NR3C2: variants seen among roughly 807,000 people sequenced by gnomAD.
The protein encoded by NR3C2 is mineralocorticoid receptor.
NR3C2 carries 15 observed loss-of-function variants against 86.4 expected under a neutral mutation model. That is an observed-to-expected ratio of 0.17 (90% confidence interval 0.12 to 0.27). NR3C2 has a LOEUF of 0.27. Ranked by LOEUF, NR3C2 falls within the 10% of genes least tolerant of loss-of-function variation. The pLI is 1.00. For synonymous variants in NR3C2, 458 were observed against 450.5 expected, an observed-to-expected ratio of 1.02 and a Z score of -0.21; for missense variants, 960 against 1,195.6, an observed-to-expected ratio of 0.80 and a Z score of 2.91.
At chr4:148,380,127 A>C (rs1039787030) in intron 2 of NR3C2, among the ~76,000 whole-genome samples, 1 of 152,238 alleles carries the variant, frequency 6.6e-6, no homozygotes, top group Non-Finnish European at 1.5e-5. Flanking sequence ...AAAGTGTGTA[A>C]TTCAGTGATT....
At chr4:148,152,985 A>T (rs1182074743) in intron 5 of NR3C2, among the ~76,000 whole-genome samples, 2 of 152,208 alleles carry the variant, frequency 1.3e-5, no homozygotes, top group Non-Finnish European at 2.9e-5. Flanking sequence ...GGGTAATTTA[A>T]TAACTGTCAA....
chr4:148,294,655 C>T (rs1039267711), intron 2 of NR3C2, among the ~76,000 whole-genome samples: 58 of 138,398 alleles, frequency 4.2e-4, no homozygotes, highest in African/African-American at 1.5e-3. Context: ...CTCAAAAATT[C>T]CTTCTAAAAG....
At chr4:148,117,023 A>T (rs1041698029) in intron 7 of NR3C2, among the ~76,000 whole-genome samples, 1 of 152,218 alleles carries the variant, frequency 6.6e-6, no homozygotes, top group African/African-American at 2.4e-5. Context: ...GAATTTAAAG[A>T]TTATAGTTCC....
intron 4 of NR3C2, among the ~76,000 whole-genome samples, chr4:148,182,190 C>A (rs1368782855): frequency 1.3e-5 from 2 of 152,132 alleles, no homozygotes; most frequent in African/African-American, 4.8e-5. Context: ...GCGGTGAGAT[C>A]GAGACATGCA....
chr4:148,257,375 C>T (rs1739883393), intron 3 of NR3C2, among the ~76,000 whole-genome samples: 1 of 152,106 alleles, frequency 6.6e-6, no homozygotes, highest in East Asian at 1.9e-4. Flanking sequence ...AATAGACTAA[C>T]ATATAGGTTA....
intron 8 of NR3C2, among the ~76,000 whole-genome samples, chr4:148,096,217 A>G (rs1731270080): frequency 6.6e-6 from 1 of 152,238 alleles, no homozygotes; most frequent in Non-Finnish European, 1.5e-5. Flanking sequence ...TAAAGGGGTA[A>G]TTAGAACCTT....
intron 2 of NR3C2, among the ~76,000 whole-genome samples, chr4:148,360,256 TATTA>T (rs1745771885): frequency 6.6e-6 from 1 of 152,210 alleles, no homozygotes; most frequent in African/African-American, 2.4e-5. Flanking sequence ...TAATTGACAT[TATTA>T]ATTTATATAT....
intron 8 of NR3C2, among the ~76,000 whole-genome samples, chr4:148,086,148 T>C (rs1730801784): frequency 6.6e-6 from 1 of 152,194 alleles, no homozygotes; most frequent in African/African-American, 2.4e-5. Context: ...ATCGTCCTGA[T>C]ACCCAAACCT....
chr4:148,291,748 T>C (rs6535598), intron 2 of NR3C2, among the ~76,000 whole-genome samples: 14 of 151,848 alleles, frequency 9.2e-5, no homozygotes, highest in Non-Finnish European at 1.6e-4. Context: ...TACTAATGTA[T>C]AGATGCCCCC....
intron 2 of NR3C2, among the ~76,000 whole-genome samples, chr4:148,356,665 T>C (rs1745562476): frequency 6.6e-6 from 1 of 152,202 alleles, no homozygotes; most frequent in South Asian, 2.1e-4. Context: ...CTAATGTATA[T>C]GGTACATATC....
chr4:148,324,005 G>GCCCT (rs1249096128), intron 2 of NR3C2, among the ~76,000 whole-genome samples: 1 of 152,026 alleles, frequency 6.6e-6, no homozygotes, highest in African/African-American at 2.4e-5. Context: ...TCTCACCTCT[G>GCCCT]CCCTCTAGGT....
At chr4:148,381,659 A>G (rs1746998265) in intron 2 of NR3C2, among the ~76,000 whole-genome samples, 1 of 152,240 alleles carries the variant, frequency 6.6e-6, no homozygotes, top group African/African-American at 2.4e-5. Flanking sequence ...TTTTAAAAAC[A>G]CAAAATCAGA....
chr4:148,362,741 C>T (rs1161691035), intron 2 of NR3C2, among the ~76,000 whole-genome samples: 3 of 151,732 alleles, frequency 2.0e-5, no homozygotes, highest in African/African-American at 7.3e-5. Context: ...TAAATAATTA[C>T]AATTGTAATA....
At chr4:148,313,212 C>A (rs1004434609) in intron 2 of NR3C2, among the ~76,000 whole-genome samples, 1 of 152,150 alleles carries the variant, frequency 6.6e-6, no homozygotes, top group East Asian at 1.9e-4. Flanking sequence ...GAGGATTATG[C>A]AGACTTATTC....
At chr4:148,101,342 A>G (rs113773895) in intron 8 of NR3C2, among the ~76,000 whole-genome samples, 4,185 of 152,318 alleles carry the variant, frequency 0.027, 192 homozygotes, top group African/African-American at 0.095. Flanking sequence ...AACCTTCTTG[A>G]AAGAGGTAAG....
rs528142063 is a variant in NR3C2, at chr4:148,381,517, C to G, written c.1757+53587G>C. ...AACATTTCATTATTAATTTAGATACCAGAAAGTATACTCTCCCATATGACA... is the reference window on the plus strand; with the variant it reads ...AACATTTCATTATTAATTTAGATACGAGAAAGTATACTCTCCCATATGACA... On this transcript the variant is annotated intron_variant, in intron 2 of 8. Transcript: ENST00000358102. 1.4e-4 allele frequency among the ~76,000 whole-genome samples: 22 copies of G among 152,186 alleles called. No homozygotes were observed. The South Asian group carries it at 4.6e-3, about 32-fold the overall frequency.
intron 2 of NR3C2, among the ~76,000 whole-genome samples, chr4:148,367,853 A>G (rs1009893727): frequency 6.6e-6 from 1 of 151,864 alleles, no homozygotes; most frequent in Middle Eastern, 3.4e-3. Context: ...TTCTTCAAAA[A>G]GAAATACATT....
At chr4:148,213,094 G>A (rs187547576) in intron 3 of NR3C2, among the ~76,000 whole-genome samples, 2 of 151,556 alleles carry the variant, frequency 1.3e-5, no homozygotes, top group African/African-American at 4.8e-5. Context: ...AAGGAGAAAT[G>A]CAATTTCTCC....
At chr4:148,190,793 C>T (rs12645409) in intron 4 of NR3C2, among the ~76,000 whole-genome samples, 38,775 of 152,144 alleles carry the variant, frequency 0.25, 5,458 homozygotes, top group East Asian at 0.58. Flanking sequence ...AGAATAGCAA[C>T]GCCTCTTTGC....
Sources: allele counts gnomAD v4.1 joint callset (sites outside exome capture counted in the v4.1 genomes callset), GRCh38; gene constraint gnomAD v4.1.1; transcripts MANE v1.5; gene names NCBI Gene and HGNC (gene_info 2026-07-23, HGNC 2026-07-21).